Variants in SLC7A5 observed in about 807,000 individuals in gnomAD.
SLC7A5 encodes the protein solute carrier family 7 member 5, also known as large neutral amino acids transporter small subunit 1.
In SLC7A5, 23 loss-of-function variants were observed where a neutral mutation model predicts 50.2. The observed-to-expected ratio is 0.46, with a 90% confidence interval of 0.33 to 0.65. The LOEUF (loss-of-function observed/expected upper bound fraction) is 0.65. SLC7A5 is among the 30% of genes least tolerant of loss of function. SLC7A5 has a pLI of 0.02. For synonymous variants in SLC7A5, 393 were observed against 330.6 expected (o/e 1.19, Z -2.05); for missense variants, 578 against 684.4 (o/e 0.84, Z 1.73).
chr16:87,833,139 G>A lies in SLC7A5; in HGVS notation c.1469-114C>T. 1.2e-6 allele frequency: 1 copy of A among 863,406 alleles called. No homozygotes were observed. Among genetic ancestry groups the A allele is most frequent in the South Asian group, 1.3e-5 (1 of 75,470 alleles). 53.5% of individuals were successfully genotyped at this position (863,406 alleles called of 1,614,324 possible). A position where few individuals can be genotyped will look rare whatever the true frequency, so the allele number is the denominator to read the frequency against. On this transcript the variant is annotated intron_variant, in intron 9 of 9. Coordinates refer to ENST00000261622, the MANE Select transcript of SLC7A5 (RefSeq NM_003486.7). This position sits in a 1 kb window ranked among gnomAD's most constrained non-coding sequence, Gnocchi z 6.0. ...TGCTGTCACCAAACCCAGCGCCGCT[G>A]CCCAGCGCTGGGATTTTAAGGAACC...
chr16:87,839,405 TCCCC>T (rs2055055354), intron 5 of SLC7A5, among the ~76,000 whole-genome samples: 4 of 152,230 alleles, frequency 2.6e-5, no homozygotes, highest in African/African-American at 9.6e-5. Context: ...TGCCCTGGAC[TCCCC>T]AGGCATTCTG....
chr16:87,863,792 CA>C (rs2055426293), intron 1 of SLC7A5, among the ~76,000 whole-genome samples: 1 of 151,594 alleles, frequency 6.6e-6, no homozygotes, highest in African/African-American at 2.4e-5. Context: ...AGACAGCCAG[CA>C]AAACTGAGAA....
chr16:87,844,038 C>A (rs1350357871), intron 2 of SLC7A5, among the ~76,000 whole-genome samples: 1 of 150,742 alleles, frequency 6.6e-6, no homozygotes, highest in Non-Finnish European at 1.5e-5. Flanking sequence ...AGTCTGCTAT[C>A]CAGTCAGCCT....
At position 87,852,959 on chromosome 16, in the gene SLC7A5, A is replaced by C. The variant is rs2055256982; in HGVS notation, c.539-1110T>G. On this transcript the variant is annotated intron_variant, in intron 1 of 9. Transcript: ENST00000261622. The surrounding 1 kb of genome is among the most constrained non-coding windows in gnomAD (Gnocchi z 4.5). Reference sequence around the variant, plus strand: ...GTTATCTGTCGCTGTCAGCAGCTTGAAATCTGCCAGTGGGAACGTCTACAC... The same window carrying C: ...GTTATCTGTCGCTGTCAGCAGCTTGCAATCTGCCAGTGGGAACGTCTACAC... Among the ~76,000 whole-genome samples the C allele has an allele frequency of 6.6e-6, 1 of 152,168 alleles. No individual in the cohort carries two copies.
At position 87,869,266 on chromosome 16, in the gene SLC7A5, G is replaced by A. The variant is rs560359728; in HGVS notation, c.157C>T (p.Leu53Phe). The change falls in exon 1 of 10, where the codon CTC becomes TTC. Residue 53 changes from leucine (L) to phenylalanine (F), a missense_variant. Physicochemically the swap from Leu to Phe is conservative, Grantham distance 22. Coordinates refer to ENST00000261622, the MANE Select transcript of SLC7A5 (RefSeq NM_003486.7). ...CCCACGATGATGGCCACGCCGTTGA[G>A]CAGCGTGATGTTCCGCTGCAGGGTC... ...GVTLQRNITL[L>F]NGVAIIVGTI... 1 of 1,612,434 alleles carries A rather than the reference G, an allele frequency of 6.2e-7. No homozygotes were observed. The highest frequency in any genetic ancestry group is 8.5e-7 in the Non-Finnish European group (1 of 1,179,846).
chr16:87,867,415 C>G (rs759384368), intron 1 of SLC7A5, among the ~76,000 whole-genome samples: 1 of 152,252 alleles, frequency 6.6e-6, no homozygotes. Context: ...GCTCTCCCCA[C>G]TGCTGTCCTG....
rs735843 is a variant in SLC7A5 at position 87,833,204 on chromosome 16, A to G, written c.1469-179T>C. ...TGCGCATGTGGGTGCCGGGTGCCCG[A>G]GGCGCTGTCTTCAACTGAAATGCGG... On this transcript the variant is annotated intron_variant, in intron 9 of 9. Transcript: ENST00000261622. The surrounding 1 kb of genome is among the most constrained non-coding windows in gnomAD (Gnocchi z 6.0). Among the ~76,000 whole-genome samples the G allele has an allele frequency of 0.021, 3,153 of 152,292 alleles. 105 individuals are homozygous for G. The highest frequency in any genetic ancestry group is 0.071 in the African/African-American group (2,958 of 41,540).
At chr16:87,866,936 C>T (rs2055469409) in intron 1 of SLC7A5, among the ~76,000 whole-genome samples, 2 of 151,698 alleles carry the variant, frequency 1.3e-5, no homozygotes, top group African/African-American at 4.8e-5. Context: ...CACCCAGGGG[C>T]TGCTTTTTTT....
rs1206274748 is a variant in SLC7A5, at chr16:87,831,245, A to G, written c.*1725T>C. The G allele has an allele frequency of 6.6e-6, 1 of 152,322 alleles. No individual in the cohort carries two copies. Among genetic ancestry groups the G allele is most frequent in the African/African-American group, 2.4e-5 (1 of 41,464 alleles). 9.4% of individuals were successfully genotyped at this position (152,322 alleles called of 1,614,324 possible). ...CGTCCCCAGGAAGGATGCAGGTCCT[A>G]TGAGCAGACGCTGTGAAGTCTGTCC... On this transcript the variant is annotated 3_prime_UTR_variant, in exon 10 of 10. Transcript: ENST00000261622.
At position 87,853,178 on chromosome 16, in the gene SLC7A5, T is replaced by C. The variant is rs1206682761; in HGVS notation, c.539-1329A>G. On this transcript the variant is annotated intron_variant, in intron 1 of 9. Transcript: ENST00000261622. The surrounding 1 kb of genome is among the most constrained non-coding windows in gnomAD (Gnocchi z 4.4). ...AAGGCCTTGAGGACTCCAGTGGCTT[T>C]TCCCCAGCTGAACAAATCCTGTGGA... Among the ~76,000 whole-genome samples the C allele has an allele frequency of 6.6e-6, 1 of 152,252 alleles. No individual in the cohort carries two copies. Among genetic ancestry groups the C allele is most frequent in the African/African-American group, 2.4e-5 (1 of 41,468 alleles).
At chr16:87,845,571 GC>G (rs1046794273) in intron 2 of SLC7A5, among the ~76,000 whole-genome samples, 42 of 124,522 alleles carry the variant, frequency 3.4e-4, no homozygotes, top group Non-Finnish European at 5.2e-4. Context: ...AGGCCACGGC[GC>G]CGCTTTTCAG....
rs1331154009 is a variant in SLC7A5, at chr16:87,853,091, G to A, written c.539-1242C>T. Among the ~76,000 whole-genome samples the A allele has an allele frequency of 6.6e-6, 1 of 151,912 alleles. No individual in the cohort carries two copies. Among genetic ancestry groups the A allele is most frequent in the Admixed American group, 6.5e-5 (1 of 15,290 alleles). ...TGCAGGAAGGTGAGAGCATCAGAAA[G>A]GCCGTGGGCTCCTCTTCTCTCTTTC... On this transcript the variant is annotated intron_variant, in intron 1 of 9. Coordinates refer to ENST00000261622, the MANE Select transcript of SLC7A5 (RefSeq NM_003486.7). The surrounding 1 kb of genome is among the most constrained non-coding windows in gnomAD (Gnocchi z 4.4).
intron 2 of SLC7A5, among the ~76,000 whole-genome samples, chr16:87,847,186 C>T (rs7206640): frequency 0.04 from 6,068 of 152,254 alleles, 396 homozygotes; most frequent in African/African-American, 0.14. Context: ...CCCAGGGGGG[C>T]TTCTCAGTCC....
At chr16:87,863,835 G>A (rs1234197071) in intron 1 of SLC7A5, among the ~76,000 whole-genome samples, 1 of 151,608 alleles carries the variant, frequency 6.6e-6, no homozygotes, top group Non-Finnish European at 1.5e-5. Flanking sequence ...CTCTCCCAAG[G>A]CAGCCTCAGA....
In SLC7A5 at chr16:87,837,591, C is replaced by T. The variant is rs140106213; in HGVS notation, c.1140+254G>A. ...GAGCCAGGCGGCTGGCAGAGCAGCA[C>T]CCCGGGTCAGCTTCTGCCTCCCGCA... On this transcript the variant is annotated intron_variant, in intron 7 of 9. Transcript: ENST00000261622. 8 of 503,654 alleles carry T rather than the reference C, an allele frequency of 1.6e-5. No individual in the cohort carries two copies. The East Asian group carries it at 2.7e-4, about 17-fold the overall frequency. The allele number at this position is 503,654 out of a possible 1,614,324, so 31.2% of individuals were successfully genotyped here.
At chr16:87,837,753 C>T in intron 7 of SLC7A5, 92 bp downstream of exon 7, 2 of 1,053,852 alleles carry the variant, frequency 1.9e-6, no homozygotes, top group East Asian at 2.6e-5. Context: ...AGTCCACACC[C>T]CAGACAGAGC....
At position 87,860,325 on chromosome 16, in the gene SLC7A5, C is replaced by CA. The variant is rs1179150611; in HGVS notation, c.539-8477dup. On this transcript the variant is annotated intron_variant, in intron 1 of 9. Coordinates refer to ENST00000261622, the MANE Select transcript of SLC7A5 (RefSeq NM_003486.7). This position sits in a 1 kb window ranked among gnomAD's most constrained non-coding sequence, Gnocchi z 4.8. Reference sequence around the variant, plus strand: ...TCCAGCCCGAGTAACAAAAGCATCTCAAAAAAAAAAAAAAATACACACACA... The same window carrying CA: ...TCCAGCCCGAGTAACAAAAGCATCTCAAAAAAAAAAAAAAAATACACACACA... 8.4e-4 allele frequency among the ~76,000 whole-genome samples: 66 copies of CA among 78,992 alleles called. 1 individual carries two copies. The highest frequency in any genetic ancestry group is 3.0e-3 in the African/African-American group (57 of 19,178). 51.8% of individuals were successfully genotyped at this position (78,992 alleles called of 152,430 possible).
intron 8 of SLC7A5, among the ~76,000 whole-genome samples, chr16:87,835,175 G>T (rs2054983258): frequency 6.6e-6 from 1 of 152,262 alleles, no homozygotes; most frequent in African/African-American, 2.4e-5. Flanking sequence ...TACTTGGACA[G>T]GGCACCCTGG....
intron 8 of SLC7A5, among the ~76,000 whole-genome samples, chr16:87,836,216 C>T (rs2055001266): frequency 6.6e-6 from 1 of 152,248 alleles, no homozygotes; most frequent in Non-Finnish European, 1.5e-5. Context: ...TCACCACCGC[C>T]CACCTATGAC....
Sources: allele counts gnomAD v4.1 joint callset (sites outside exome capture counted in the v4.1 genomes callset), GRCh38; gene constraint gnomAD v4.1.1; non-coding constraint Gnocchi (gnomAD v3.1); transcripts MANE v1.5; gene names NCBI Gene and HGNC (gene_info 2026-07-23, HGNC 2026-07-21).